CDKL4: variants seen among roughly 807,000 people sequenced by gnomAD.
CDKL4 encodes the protein cyclin-dependent kinase-like 4.
CDKL4 carries 44 observed loss-of-function variants against 42.0 expected under a neutral mutation model. The observed-to-expected ratio is 1.05, with a 90% CI of 0.82 to 1.35. The LOEUF (loss-of-function observed/expected upper bound fraction) is 1.35. Ranked by LOEUF, CDKL4 falls within the 40% of genes most tolerant of loss-of-function variation. CDKL4 has a pLI of 0.00. For synonymous variants in CDKL4, 120 were observed against 121.6 expected (o/e 0.99, Z 0.09); for missense variants, 393 against 369.9 (o/e 1.06, Z -0.51).
In CDKL4 at chr2:39,187,827, A is replaced by G. The variant is rs542406813; in HGVS notation, c.653-118T>C. ...TCACACCTGTAATTCCAGCACTTTG[A>G]GAGGCTACGGCAGGTGGATCACTTG... On this transcript the variant is annotated intron_variant, in intron 6 of 9. Coordinates refer to ENST00000451199, the Ensembl canonical transcript of CDKL4. The G allele has an allele frequency of 1.8e-4, 119 of 662,274 alleles. 2 individuals carry two copies. The South Asian group carries it at 1.9e-3, about 11-fold the overall frequency. The allele number at this position is 662,274 out of a possible 1,614,324, so 41.0% of individuals were successfully genotyped here.
downstream of CDKL4, among the ~76,000 whole-genome samples, chr2:39,172,535 C>T (rs922758175): frequency 6.6e-6 from 1 of 152,144 alleles, no homozygotes; most frequent in Non-Finnish European, 1.5e-5. Flanking sequence ...TGGCCTGGGC[C>T]ACCCAGGGAC....
intron 5 of CDKL4, among the ~76,000 whole-genome samples, chr2:39,202,640 C>T (rs1299760270): frequency 1.5e-5 from 1 of 67,554 alleles, no homozygotes; most frequent in Non-Finnish European, 3.6e-5. Flanking sequence ...TCTATGTTTT[C>T]TTTTAAGAGT....
At chr2:39,213,849 G>A (rs1677740768) in intron 3 of CDKL4, among the ~76,000 whole-genome samples, 1 of 152,048 alleles carries the variant, frequency 6.6e-6, no homozygotes, top group Non-Finnish European at 1.5e-5. Context: ...CTCTCTTCAG[G>A]CATCTCTGCT....
At chr2:39,238,135 A>C (rs1250797595) in intron 1 of CDKL4, among the ~76,000 whole-genome samples, 1 of 152,244 alleles carries the variant, frequency 6.6e-6, no homozygotes, top group Non-Finnish European at 1.5e-5. Flanking sequence ...AAATTCATCT[A>C]TAAACTAATT....
chr2:39,204,250 G>A (rs1383636982), intron 5 of CDKL4, among the ~76,000 whole-genome samples: 1 of 152,008 alleles, frequency 6.6e-6, no homozygotes, highest in Non-Finnish European at 1.5e-5. Context: ...TTCTTTTACT[G>A]TAGATTATAA....
chr2:39,191,477 A>C (rs1676181308), intron 5 of CDKL4, among the ~76,000 whole-genome samples: 4 of 152,208 alleles, frequency 2.6e-5, no homozygotes, highest in Admixed American at 2.6e-4. Context: ...GCCCTGCTGA[A>C]ACCTTGATGG....
At chr2:39,185,293 T>C (rs565655058) in intron 7 of CDKL4, among the ~76,000 whole-genome samples, 2 of 26,944 alleles carry the variant, frequency 7.4e-5, no homozygotes, top group African/African-American at 2.2e-4. Context: ...TATATATACA[T>C]ATATATACAC....
chr2:39,245,668 T>TC (rs1239981875), upstream of CDKL4, among the ~76,000 whole-genome samples: 1 of 152,218 alleles, frequency 6.6e-6, no homozygotes, highest in African/African-American at 2.4e-5. Flanking sequence ...TCCCAAGGCA[T>TC]CGAGAGCACT....
At chr2:39,217,047 A>G (rs536647836) in intron 3 of CDKL4, among the ~76,000 whole-genome samples, 3 of 152,242 alleles carry the variant, frequency 2.0e-5, no homozygotes, top group Non-Finnish European at 4.4e-5. Flanking sequence ...GATCGTGCAA[A>G]GAGAAGATAA....
chr2:39,238,409 G>C (rs897554722), intron 1 of CDKL4, among the ~76,000 whole-genome samples: 3 of 152,118 alleles, frequency 2.0e-5, no homozygotes, highest in African/African-American at 7.2e-5. Context: ...CTCTAGCCTA[G>C]GCAATGCAGC....
intron 1 of CDKL4, among the ~76,000 whole-genome samples, chr2:39,238,306 G>A (rs1679472776): frequency 2.0e-5 from 3 of 152,196 alleles, no homozygotes; most frequent in East Asian, 1.9e-4. Context: ...AGTGGCCCTC[G>A]CCTGTGGTCT....
upstream of CDKL4, among the ~76,000 whole-genome samples, chr2:39,244,481 G>C (rs936730014): frequency 6.6e-6 from 1 of 152,238 alleles, no homozygotes; most frequent in Admixed American, 6.5e-5. Context: ...CGCTGCGCTC[G>C]ATTTCTCACT....
chr2:39,244,886 ACT>A (rs1425947834), upstream of CDKL4, among the ~76,000 whole-genome samples: 1 of 151,784 alleles, frequency 6.6e-6, no homozygotes, highest in Non-Finnish European at 1.5e-5. Context: ...ACCAGTCGAC[ACT>A]CTGTATCTAG....
exon 2 of CDKL4, chr2:39,229,409 G>A: frequency 6.2e-7 from 1 of 1,610,512 alleles, no homozygotes; most frequent in Non-Finnish European, 8.5e-7. Context: ...TTAACAACAG[G>A]ATCATCTTCA....
exon 2 of CDKL4, chr2:39,229,406 C>T (rs780857169): frequency 6.2e-7 from 1 of 1,610,070 alleles, no homozygotes; most frequent in Non-Finnish European, 8.5e-7. Flanking sequence ...TTCTTAACAA[C>T]AGGATCATCT....
At chr2:39,224,763 C>T (rs967189787) in intron 3 of CDKL4, among the ~76,000 whole-genome samples, 1 of 152,088 alleles carries the variant, frequency 6.6e-6, no homozygotes, top group Non-Finnish European at 1.5e-5. Flanking sequence ...CTCAGCCTCC[C>T]AAAGGCATGA....
intron 4 of CDKL4, among the ~76,000 whole-genome samples, chr2:39,206,241 C>A (rs1677180440): frequency 6.6e-6 from 1 of 151,990 alleles, no homozygotes; most frequent in Non-Finnish European, 1.5e-5. Flanking sequence ...CCACCATGCC[C>A]GGCTAATTTT....
At chr2:39,234,823 T>A (rs1269300196) in intron 1 of CDKL4, among the ~76,000 whole-genome samples, 1 of 151,892 alleles carries the variant, frequency 6.6e-6, no homozygotes, top group Non-Finnish European at 1.5e-5. Flanking sequence ...AAAATGAAAA[T>A]CAAGGATTTT....
chr2:39,178,588 C>G, intron 9 of CDKL4: 1 of 1,553,482 alleles, frequency 6.4e-7, no homozygotes, highest in Non-Finnish European at 8.7e-7. Flanking sequence ...AAGTGAAGGA[C>G]AGTCACCTGA....
Sources: allele counts gnomAD v4.1 joint callset (sites outside exome capture counted in the v4.1 genomes callset), GRCh38; gene constraint gnomAD v4.1.1; transcripts MANE v1.5; gene names NCBI Gene and HGNC (gene_info 2026-07-23, HGNC 2026-07-21).